PLCL2: variants seen among roughly 807,000 people sequenced by gnomAD.
The protein encoded by PLCL2 is inactive phospholipase C-like protein 2.
Under a neutral mutation model 79.6 loss-of-function variants are expected in PLCL2, and 4 were observed. The ratio of observed to expected loss-of-function variants is 0.05; its 90% CI spans 0.02 to 0.11. The LOEUF (loss-of-function observed/expected upper bound fraction) is 0.11. PLCL2 is among the 10% of genes least tolerant of loss of function. PLCL2 has a pLI of 1.00. For missense variants in PLCL2, 895 were observed against 1,291.0 expected (o/e 0.69, Z 4.70); for synonymous variants, 484 against 457.7 (o/e 1.06, Z -0.73).
rs2064670423 is a variant in PLCL2 at position 17,037,486 on chromosome 3, C to G, written c.3019-5388C>G. On this transcript the variant is annotated intron_variant, in intron 3 of 5. Transcript: ENST00000615277. ...AGAACAAAGTTTTTTTACTGTCTAG[C>G]CTTTTTCTTTTATAGCAACTTAAGG... Among the ~76,000 whole-genome samples, 3 of 152,266 alleles carry G rather than the reference C, an allele frequency of 2.0e-5. No homozygotes were observed. In the South Asian group the frequency reaches 6.2e-4, roughly 32 times the overall value.
intron 4 of PLCL2, among the ~76,000 whole-genome samples, chr3:17,045,938 G>A (rs930625792): frequency 1.3e-5 from 2 of 152,148 alleles, no homozygotes; most frequent in East Asian, 3.9e-4. Flanking sequence ...ACCAACTTTG[G>A]GGGTGAGGAA....
intron 3 of PLCL2, among the ~76,000 whole-genome samples, chr3:17,025,581 G>T (rs912666455): frequency 3.3e-5 from 5 of 152,168 alleles, no homozygotes; most frequent in Admixed American, 6.5e-5. Context: ...TGAGAAATCA[G>T]ATATTTCAGA....
intron 4 of PLCL2, among the ~76,000 whole-genome samples, chr3:17,047,502 C>G (rs537120392): frequency 6.6e-6 from 1 of 152,290 alleles, no homozygotes; most frequent in East Asian, 1.9e-4. Context: ...CTAAAAGCTC[C>G]AGCGTATTTT....
chr3:16,899,833 G>A (rs752121452), intron 1 of PLCL2, among the ~76,000 whole-genome samples: 2 of 51,834 alleles, frequency 3.9e-5, no homozygotes, highest in African/African-American at 7.5e-5. Flanking sequence ...TATCCCCCCC[G>A]CCGCCCCCCG....
chr3:16,928,957 C>CA (rs74184474), intron 1 of PLCL2, among the ~76,000 whole-genome samples: 151,866 of 151,866 alleles, frequency 1, 75,933 homozygotes, highest in Non-Finnish European at 1. Flanking sequence ...GGAAGTGAAA[C>CA]GTAGAGGCTG....
At chr3:16,986,374 G>T (rs1163312182) in intron 1 of PLCL2, among the ~76,000 whole-genome samples, 1 of 151,954 alleles carries the variant, frequency 6.6e-6, no homozygotes, top group Non-Finnish European at 1.5e-5. Context: ...AACCACCCCA[G>T]AGATGAAAGG....
At chr3:16,937,996 G>A (rs1422115738) in intron 1 of PLCL2, among the ~76,000 whole-genome samples, 1 of 152,174 alleles carries the variant, frequency 6.6e-6, no homozygotes, top group Non-Finnish European at 1.5e-5. Context: ...GTAATTTGAT[G>A]TTCCATATTA....
chr3:16,998,977 T>C (rs1389033091), intron 1 of PLCL2, among the ~76,000 whole-genome samples: 1 of 152,232 alleles, frequency 6.6e-6, no homozygotes, highest in African/African-American at 2.4e-5. Context: ...TGGAATCATC[T>C]GAATAATTCC....
intron 1 of PLCL2, among the ~76,000 whole-genome samples, chr3:17,000,845 C>G (rs577971018): frequency 6.6e-6 from 1 of 152,172 alleles, no homozygotes; most frequent in South Asian, 2.1e-4. Context: ...TAGATTGAGT[C>G]CATATTTTGG....
intron 1 of PLCL2, among the ~76,000 whole-genome samples, chr3:16,914,146 TGAG>T (rs1696941802): frequency 6.6e-6 from 1 of 152,236 alleles, no homozygotes; most frequent in Non-Finnish European, 1.5e-5. Context: ...CCATTACTTA[TGAG>T]AAGTGCTTTA....
intron 4 of PLCL2, among the ~76,000 whole-genome samples, chr3:17,062,722 G>C (rs899321267): frequency 6.6e-5 from 10 of 152,110 alleles, no homozygotes; most frequent in African/African-American, 2.4e-4. Context: ...TACAAATTTA[G>C]GATACAAATG....
At chr3:16,916,543 T>C (rs1696999268) in intron 1 of PLCL2, among the ~76,000 whole-genome samples, 1 of 152,218 alleles carries the variant, frequency 6.6e-6, no homozygotes, top group African/African-American at 2.4e-5. Context: ...AGGAATAACT[T>C]TCTGCCAAGA....
At chr3:17,076,890 T>C (rs2065113841) in intron 5 of PLCL2, among the ~76,000 whole-genome samples, 1 of 152,236 alleles carries the variant, frequency 6.6e-6, no homozygotes, top group Non-Finnish European at 1.5e-5. Context: ...TTCTGTAATA[T>C]CTAATCTGCC....
intron 1 of PLCL2, among the ~76,000 whole-genome samples, chr3:16,956,934 G>A (rs1432111985): frequency 6.6e-6 from 1 of 151,784 alleles, no homozygotes; most frequent in Non-Finnish European, 1.5e-5. Context: ...TTCTTTATTA[G>A]TCTTGCTAGC....
chr3:16,918,384 C>T (rs1044458064), intron 1 of PLCL2, among the ~76,000 whole-genome samples: 1 of 152,098 alleles, frequency 6.6e-6, no homozygotes, highest in Non-Finnish European at 1.5e-5. Context: ...CAATTTGTGT[C>T]TCAGTGATAA....
chr3:16,941,845 A>T (rs768397189), intron 1 of PLCL2, among the ~76,000 whole-genome samples: 10 of 152,018 alleles, frequency 6.6e-5, no homozygotes, highest in Non-Finnish European at 8.8e-5. Context: ...TAGGTGTGGT[A>T]TAAGTTTTTT....
intron 1 of PLCL2, among the ~76,000 whole-genome samples, chr3:16,937,135 G>C (rs1304937685): frequency 6.6e-6 from 1 of 152,144 alleles, no homozygotes; most frequent in Non-Finnish European, 1.5e-5. Flanking sequence ...ATTATCCCTG[G>C]TTGAGAACCA....
intron 4 of PLCL2, among the ~76,000 whole-genome samples, chr3:17,066,106 GA>G (rs1392427751): frequency 2.0e-5 from 3 of 152,222 alleles, no homozygotes; most frequent in Non-Finnish European, 2.9e-5. Flanking sequence ...TCCCGGATGT[GA>G]AGAGTGGGGA....
intron 1 of PLCL2, among the ~76,000 whole-genome samples, chr3:16,935,101 T>G (rs1405286865): frequency 1.3e-5 from 2 of 152,224 alleles, no homozygotes; most frequent in African/African-American, 4.8e-5. Context: ...GACACCAATC[T>G]GATAGGAAGA....
Sources: allele counts gnomAD v4.1 joint callset (sites outside exome capture counted in the v4.1 genomes callset), GRCh38; gene constraint gnomAD v4.1.1; transcripts MANE v1.5; gene names NCBI Gene and HGNC (gene_info 2026-07-23, HGNC 2026-07-21).